The following ALK variants were observed in gnomAD, a reference collection of about 807,000 sequenced individuals.
The protein encoded by ALK is ALK receptor tyrosine kinase, also known as ALK tyrosine kinase receptor.
A neutral mutation model predicts 163.1 loss-of-function variants in ALK; 74 were observed. The ratio of observed to expected loss-of-function variants is 0.45; its 90% confidence interval spans 0.38 to 0.55. The LOEUF (loss-of-function observed/expected upper bound fraction) is 0.55. Ranked by LOEUF, ALK falls within the 20% of genes least tolerant of loss-of-function variation. The pLI is 0.00. For synonymous variants in ALK, 960 were observed against 843.2 expected, an observed-to-expected ratio of 1.14 and a Z score of -2.40; for missense variants, 2,063 against 2,105.3, an observed-to-expected ratio of 0.98 and a Z score of 0.39.
chr2:29,768,557 T>C (rs1680926452), intron 1 of ALK, among the ~76,000 whole-genome samples: 1 of 152,200 alleles, frequency 6.6e-6, no homozygotes, highest in South Asian at 2.1e-4. Flanking sequence ...TATATTGGTA[T>C]ATAAAGTTCT....
At chr2:29,869,015 T>C (rs1487265519) in intron 1 of ALK, among the ~76,000 whole-genome samples, 1 of 152,218 alleles carries the variant, frequency 6.6e-6, no homozygotes, top group Admixed American at 6.5e-5. Flanking sequence ...TGATAGCTAC[T>C]GCTGACCAGG....
At chr2:29,379,813 A>G (rs1398060907) in intron 5 of ALK, among the ~76,000 whole-genome samples, 1 of 152,236 alleles carries the variant, frequency 6.6e-6, no homozygotes, top group East Asian at 1.9e-4. Context: ...TATGAAGAAT[A>G]TAGAAAGAAT....
chr2:29,723,482 A>G (rs993851569), intron 1 of ALK, among the ~76,000 whole-genome samples: 3 of 152,166 alleles, frequency 2.0e-5, no homozygotes, highest in Non-Finnish European at 4.4e-5. Context: ...TGGTTTATTC[A>G]TTGTGTACCT....
chr2:29,480,691 T>C (rs878898520), intron 4 of ALK, among the ~76,000 whole-genome samples: 1 of 143,594 alleles, frequency 7.0e-6, no homozygotes, highest in Non-Finnish European at 1.5e-5. Context: ...AAAGCAGAAG[T>C]GGGGCTGGCT....
Position 29,195,498 on chromosome 2 carries a change from C to T in ALK, c.4164+1272G>A, listed in dbSNP as rs1006157661. ...CAGGTGTGGCAGCACTTTGGGAGGC[C>T]GAGGCGGGTGGATCACTTGAGGTCA... On this transcript the variant is annotated intron_variant, in intron 28 of 28. Coordinates refer to ENST00000389048, the MANE Select transcript of ALK (RefSeq NM_004304.5). 3.9e-5 allele frequency among the ~76,000 whole-genome samples: 6 copies of T among 152,116 alleles called. No homozygotes were observed. The South Asian group carries it at 1.0e-3, about 26-fold the overall frequency.
intron 1 of ALK, among the ~76,000 whole-genome samples, chr2:29,724,378 A>C (rs1408742167): frequency 6.6e-6 from 1 of 152,196 alleles, no homozygotes; most frequent in Non-Finnish European, 1.5e-5. Flanking sequence ...AATGTGGCCA[A>C]ATAAATAGTG....
At chr2:29,323,652 A>G (rs1227525007) in intron 6 of ALK, among the ~76,000 whole-genome samples, 1 of 152,228 alleles carries the variant, frequency 6.6e-6, no homozygotes, top group East Asian at 1.9e-4. Flanking sequence ...TTGCTCAGCC[A>G]GAAGCCACTC....
chr2:29,347,943 C>T (rs1667999114), intron 5 of ALK, among the ~76,000 whole-genome samples: 1 of 152,138 alleles, frequency 6.6e-6, no homozygotes. Context: ...TTTAATTATG[C>T]AAATTACATT....
chr2:29,521,412 G>A (rs1672809040), intron 4 of ALK, among the ~76,000 whole-genome samples: 1 of 152,150 alleles, frequency 6.6e-6, no homozygotes, highest in Non-Finnish European at 1.5e-5. Flanking sequence ...CTCATTCACT[G>A]AGCTTACTGA....
chr2:29,454,994 C>T (rs1260419301), intron 4 of ALK, among the ~76,000 whole-genome samples: 1 of 152,162 alleles, frequency 6.6e-6, no homozygotes, highest in Non-Finnish European at 1.5e-5. Flanking sequence ...CTAATTTACA[C>T]AATAGGGCCA....
chr2:29,810,918 C>A (rs1372533655), intron 1 of ALK, among the ~76,000 whole-genome samples: 1 of 151,984 alleles, frequency 6.6e-6, no homozygotes, highest in African/African-American at 2.4e-5. Flanking sequence ...AGAAGAAAAG[C>A]CATGTTAGGA....
intron 1 of ALK, among the ~76,000 whole-genome samples, chr2:29,745,374 G>C (rs1573601951): frequency 6.6e-6 from 1 of 152,174 alleles, no homozygotes; most frequent in South Asian, 2.1e-4. Context: ...CTGTATCCCT[G>C]CTGGTACAAC....
chr2:29,456,876 T>C (rs2148098211), intron 4 of ALK, among the ~76,000 whole-genome samples: 1 of 152,272 alleles, frequency 6.6e-6, no homozygotes, highest in South Asian at 2.1e-4. Flanking sequence ...ACAGAGAATA[T>C]ACAATTTATA....
chr2:29,351,483 C>G (rs1355282571), intron 5 of ALK, among the ~76,000 whole-genome samples: 1 of 152,162 alleles, frequency 6.6e-6, no homozygotes, highest in Non-Finnish European at 1.5e-5. Flanking sequence ...GCTCAGAGTT[C>G]CTGCATCCTG....
intron 6 of ALK, among the ~76,000 whole-genome samples, chr2:29,321,359 T>C (rs1667039161): frequency 6.6e-6 from 1 of 152,160 alleles, no homozygotes; most frequent in East Asian, 1.9e-4. Flanking sequence ...CAGACTGTGG[T>C]GGTGGTTGTG....
At chr2:29,627,879 A>T (rs1377168300) in intron 3 of ALK, among the ~76,000 whole-genome samples, 2 of 152,248 alleles carry the variant, frequency 1.3e-5, no homozygotes, top group African/African-American at 4.8e-5. Flanking sequence ...TCCATTCTCA[A>T]TGGCACTGCA....
intron 1 of ALK, among the ~76,000 whole-genome samples, chr2:29,757,402 G>C (rs551516675): frequency 1.3e-5 from 2 of 152,300 alleles, no homozygotes; most frequent in South Asian, 2.1e-4. Context: ...GAGTGGCGGA[G>C]CTGAGATACG....
At chr2:29,467,957 TTC>T (rs1302616083) in intron 4 of ALK, among the ~76,000 whole-genome samples, 2 of 152,182 alleles carry the variant, frequency 1.3e-5, no homozygotes, top group South Asian at 2.1e-4. Context: ...TTTTTAAAAT[TTC>T]TCTGTTTAAT....
chr2:29,838,723 C>T (rs1287002006), intron 1 of ALK, among the ~76,000 whole-genome samples: 1 of 152,090 alleles, frequency 6.6e-6, no homozygotes, highest in Non-Finnish European at 1.5e-5. Flanking sequence ...ACAAAAGGAA[C>T]CTGTGGGTGA....
Sources: allele counts gnomAD v4.1 joint callset (sites outside exome capture counted in the v4.1 genomes callset), GRCh38; gene constraint gnomAD v4.1.1; transcripts MANE v1.5; gene names NCBI Gene and HGNC (gene_info 2026-07-23, HGNC 2026-07-21).